KMT2C: variants seen among roughly 807,000 people sequenced by gnomAD.
KMT2C encodes histone-lysine N-methyltransferase 2C.
A neutral mutation model predicts 507.9 loss-of-function variants in KMT2C; 88 were observed. The ratio of observed to expected loss-of-function variants is 0.17; its 90% confidence interval spans 0.15 to 0.21. The LOEUF is 0.21. Among genes scored for constraint, KMT2C ranks in the 10% least tolerant of loss-of-function variants. The probability of loss-of-function intolerance (pLI) is 1.00; values close to 1 mark genes in which losing one functional copy is unlikely to be tolerated. For synonymous variants in KMT2C, 2,049 were observed against 2,080.8 expected (o/e 0.98, Z 0.42); for missense variants, 4,954 against 5,957.8 (o/e 0.83, Z 5.55).
At chr7:152,432,362 T>A (rs551990343) in intron 1 of KMT2C, among the ~76,000 whole-genome samples, 27 of 152,270 alleles carry the variant, frequency 1.8e-4, no homozygotes, top group African/African-American at 5.8e-4. Flanking sequence ...TTCAGAAAAA[T>A]TTTTTAACAT....
At chr7:152,363,424 T>C (rs1390805780) in intron 1 of KMT2C, among the ~76,000 whole-genome samples, 2 of 152,220 alleles carry the variant, frequency 1.3e-5, no homozygotes, top group African/African-American at 2.4e-5. Context: ...CTTGAGTTCC[T>C]AAAGTAACAT....
chr7:152,353,167 G>A (rs867529569), intron 2 of KMT2C, among the ~76,000 whole-genome samples: 4 of 152,280 alleles, frequency 2.6e-5, no homozygotes, highest in South Asian at 2.1e-4. Context: ...GCTCATGCCC[G>A]TAATCCCACC....
At chr7:152,288,144 C>G (rs2129184526) in intron 6 of KMT2C, among the ~76,000 whole-genome samples, 1 of 146,568 alleles carries the variant, frequency 6.8e-6, no homozygotes, top group Middle Eastern at 3.6e-3. Flanking sequence ...AAAAAATATG[C>G]TAACAAAAAT....
chr7:152,193,841 G>A (rs956030962), intron 31 of KMT2C, among the ~76,000 whole-genome samples, 168 bp downstream of exon 31: 2 of 152,158 alleles, frequency 1.3e-5, no homozygotes, highest in Non-Finnish European at 2.9e-5. Context: ...CAGGGAGACC[G>A]CTATGTGAAG....
chr7:152,181,151 A>G lies in KMT2C; in HGVS notation c.6709T>C (p.Ser2237Pro). 1 of 1,614,142 alleles carries G rather than the reference A, an allele frequency of 6.2e-7. No individual in the cohort carries two copies. The change falls in exon 36 of 59, where the codon TCA becomes CCA. Residue 2237 changes from serine to proline, a missense_variant. Ser to Pro is a moderately conservative substitution (Grantham distance 74). Around this residue, in one of 29 missense-constraint regions of KMT2C, gnomAD observed 1,689 missense variants for 1,654.3 expected, o/e 1.02. Transcript: ENST00000262189. ...PRISEGFTRS[S>P]MTRPVLMPNQ... is the part of the protein sequence containing the mutation. ...GGCATGAGGACTGGTCTTGTCATTG[A>G]GGACCTAGTAAAACCCTCTGAAATC... is the stretch of plus-strand genomic sequence containing the variant.
In KMT2C at chr7:152,177,243, T is replaced by C; in HGVS notation, c.8210A>G (p.Asn2737Ser). The C allele has an allele frequency of 6.2e-7, 1 of 1,613,836 alleles. No individual in the cohort carries two copies. The highest frequency in any genetic ancestry group is 8.5e-7 in the Non-Finnish European group (1 of 1,179,908). Residue 2737 changes from asparagine (N) to serine (S), a missense_variant, in exon 38 of 59, where the codon AAT becomes AGT. Asn to Ser is a conservative substitution (Grantham distance 46). This residue lies in a region of KMT2C where 1,689 missense variants were observed against 1,654.3 expected (regional missense o/e 1.02). Transcript: ENST00000262189. ...CAGGTTGGGATCATTAGTTTCCAAA[T>C]TATCTAAAGTATCCAATTCAACTAC... Reference protein sequence around the residue: ...GKVVELDTLDNLETNDPNLDD... With the variant: ...GKVVELDTLDSLETNDPNLDD...
intron 43 of KMT2C, among the ~76,000 whole-genome samples, chr7:152,161,304 T>C (rs750625187): frequency 1.3e-5 from 2 of 152,134 alleles, no homozygotes; most frequent in Non-Finnish European, 2.9e-5. Context: ...ATGAAAAAAC[T>C]GGACAACTAA....
intron 6 of KMT2C, among the ~76,000 whole-genome samples, chr7:152,287,281 T>TC (rs1308877634): frequency 1.3e-5 from 2 of 152,138 alleles, no homozygotes; most frequent in Non-Finnish European, 2.9e-5. Flanking sequence ...TAACCACCCC[T>TC]CCATCCCATT....
In KMT2C at chr7:152,311,824, T is replaced by C. The variant is rs1208375263; in HGVS notation, c.713A>G (p.Asp238Gly). 7 of 1,610,884 alleles carry C rather than the reference T, an allele frequency of 4.3e-6. No homozygotes were observed. The highest frequency in any genetic ancestry group is 1.7e-4 in the Middle Eastern group (1 of 6,056). The change falls in exon 5 of 59, where the codon GAT becomes GGT. Residue 238 changes from aspartate (D) to glycine (G), a missense_variant. Physicochemically the swap from Asp to Gly is moderately conservative, Grantham distance 94. This residue lies in a region of KMT2C where 233 missense variants were observed against 263.6 expected (regional missense o/e 0.88). Transcript: ENST00000262189. ...TGTAGAATCAAATAAGGCTTGGATA[T>C]CAATGGCATCTGGAAGCCCAACCAG... is the stretch of plus-strand genomic sequence containing the variant. ...LSLVGLPDAI[D>G]IQALFDSTGT...
intron 2 of KMT2C, among the ~76,000 whole-genome samples, chr7:152,331,171 G>C (rs2096878655): frequency 6.6e-6 from 1 of 152,112 alleles, no homozygotes; most frequent in South Asian, 2.1e-4. Flanking sequence ...AGCCAGGCAA[G>C]GTGGTGAGTG....
chr7:152,227,911 G>C (rs1476122042), intron 18 of KMT2C, among the ~76,000 whole-genome samples: 1 of 152,204 alleles, frequency 6.6e-6, no homozygotes, highest in East Asian at 1.9e-4. Flanking sequence ...ACAGGGAGCA[G>C]AATTCAGTAG....
chr7:152,428,233 G>A (rs1222052601), intron 1 of KMT2C, among the ~76,000 whole-genome samples: 3 of 152,044 alleles, frequency 2.0e-5, no homozygotes, highest in South Asian at 2.1e-4. Flanking sequence ...CTGGTGGTCC[G>A]CAGATTAAAC....
At chr7:152,217,952 TG>T (rs966997053) in intron 23 of KMT2C, among the ~76,000 whole-genome samples, 2 of 152,198 alleles carry the variant, frequency 1.3e-5, no homozygotes, top group African/African-American at 4.8e-5. Flanking sequence ...TCCTCAGAAA[TG>T]GAAATTCTTG....
At chr7:152,164,104 C>G (rs990280319) in intron 42 of KMT2C, among the ~76,000 whole-genome samples, 5 of 152,060 alleles carry the variant, frequency 3.3e-5, no homozygotes, top group Non-Finnish European at 7.4e-5. Flanking sequence ...ATATTAAAAT[C>G]TTATGGTGAA....
At chr7:152,336,475 G>A (rs1228447023) in intron 2 of KMT2C, among the ~76,000 whole-genome samples, 2 of 152,148 alleles carry the variant, frequency 1.3e-5, no homozygotes, top group Non-Finnish European at 2.9e-5. Flanking sequence ...ATCCAGAGAT[G>A]CTCTGGATGA....
intron 2 of KMT2C, among the ~76,000 whole-genome samples, chr7:152,344,549 A>G (rs2097033259): frequency 6.6e-6 from 1 of 152,254 alleles, no homozygotes; most frequent in Non-Finnish European, 1.5e-5. Context: ...AAAGTGGGAC[A>G]CTACTGCACA....
At chr7:152,393,111 G>GT (rs1222860851) in intron 1 of KMT2C, among the ~76,000 whole-genome samples, 1 of 151,880 alleles carries the variant, frequency 6.6e-6, no homozygotes, top group Non-Finnish European at 1.5e-5. Flanking sequence ...GTGGTGTTTT[G>GT]TTTTTTTCCA....
chr7:152,393,753 A>G (rs1011597581), intron 1 of KMT2C, among the ~76,000 whole-genome samples: 3 of 152,162 alleles, frequency 2.0e-5, no homozygotes, highest in African/African-American at 7.2e-5. Context: ...TTAGCCGGGC[A>G]TGGTGGTGCA....
At chr7:152,420,079 G>T (rs995487673) in intron 1 of KMT2C, among the ~76,000 whole-genome samples, 5 of 152,198 alleles carry the variant, frequency 3.3e-5, no homozygotes, top group African/African-American at 9.6e-5. Context: ...AGAAATTGAA[G>T]GTAGGGATCT....
Sources: gnomAD v4.1 joint callset for allele counts (sites outside exome capture counted in the v4.1 genomes callset) on GRCh38, gnomAD v4.1.1 for gene constraint, gnomAD v4.1.1 regional missense constraint, MANE v1.5 for transcripts, NCBI Gene and HGNC (gene_info 2026-07-23, HGNC 2026-07-21) for gene names.